PCBP3: variants seen among roughly 807,000 people sequenced by gnomAD.
The protein encoded by PCBP3 is poly(rC)-binding protein 3.
In PCBP3, 25 loss-of-function variants were observed where a neutral mutation model predicts 52.7. The ratio of observed to expected loss-of-function variants is 0.47; its 90% CI spans 0.35 to 0.66. The LOEUF is 0.66. PCBP3 is among the 30% of genes least tolerant of loss of function. The pLI, the probability that PCBP3 is intolerant of heterozygous loss-of-function variation, is 0.01. For missense variants in PCBP3, 391 were observed against 490.3 expected, an observed-to-expected ratio of 0.80 and a Z score of 1.91; for synonymous variants, 162 against 183.0, an observed-to-expected ratio of 0.89 and a Z score of 0.93.
chr21:45,682,677 G>C (rs894375938), intron 2 of PCBP3, among the ~76,000 whole-genome samples: 7 of 152,152 alleles, frequency 4.6e-5, no homozygotes, highest in African/African-American at 1.7e-4. Context: ...CAGGGTTTTA[G>C]ACTGACAAGC....
At chr21:45,875,461 C>T (rs984416179) in intron 5 of PCBP3, among the ~76,000 whole-genome samples, 8 of 152,176 alleles carry the variant, frequency 5.3e-5, no homozygotes, top group African/African-American at 4.8e-5. Context: ...AGTCACACAA[C>T]GTCAGAAAAC....
chr21:45,860,870 C>T (rs1569346365), intron 5 of PCBP3, among the ~76,000 whole-genome samples: 1 of 152,186 alleles, frequency 6.6e-6, no homozygotes, highest in Admixed American at 6.5e-5. Context: ...TTGGCAGCGA[C>T]CCCCGTGGAG....
At chr21:45,845,187 C>T (rs964209740) in intron 4 of PCBP3, among the ~76,000 whole-genome samples, 13 of 152,330 alleles carry the variant, frequency 8.5e-5, no homozygotes, top group African/African-American at 3.1e-4. Context: ...GCACCTGCCA[C>T]CAGATGATCT....
In PCBP3 at chr21:45,785,515, G is replaced by C. The variant is rs1490607401; in HGVS notation, c.-126+30063G>C. 2.7e-5 allele frequency among the ~76,000 whole-genome samples: 4 copies of C among 149,366 alleles called. 1 individual carries two copies. The highest frequency in any genetic ancestry group is 9.8e-5 in the African/African-American group (4 of 40,624). On this transcript the variant is annotated intron_variant, in intron 4 of 17. Coordinates refer to ENST00000681687, the MANE Select transcript of PCBP3 (RefSeq NM_001384156.1). ...AGCCGCCCCGTCCGGGAGGGGGGGG[G>C]GTCAGCCCCCCGCCCGGCCAGCCGC...
chr21:45,803,168 C>G (rs1217159018), intron 4 of PCBP3, among the ~76,000 whole-genome samples: 1 of 152,216 alleles, frequency 6.6e-6, no homozygotes. Context: ...TCCTCACTTT[C>G]TCAGCAGAGG....
chr21:45,774,428 CTTTAGTTTT>C (rs892769464), intron 4 of PCBP3, among the ~76,000 whole-genome samples: 2 of 151,184 alleles, frequency 1.3e-5, no homozygotes, highest in African/African-American at 2.4e-5. Context: ...TTGGTGGAGA[CTTTAGTTTT>C]TTCTGGATAA....
intron 5 of PCBP3, among the ~76,000 whole-genome samples, chr21:45,882,010 C>T (rs2095416373): frequency 6.6e-6 from 1 of 152,188 alleles, no homozygotes. Flanking sequence ...CACGGGCCTG[C>T]ATGTGTCTCC....
Position 45,715,964 on chromosome 21 carries a change from G to C in PCBP3, c.-199-19428G>C, listed in dbSNP as rs545675495. ...TGATCATGTCCTTGCAAGCATAAAA[G>C]TTTTTAATTTTAAGCCCAATTTATT... On this transcript the variant is annotated intron_variant, in intron 2 of 17. Coordinates refer to ENST00000681687, the MANE Select transcript of PCBP3 (RefSeq NM_001384156.1). Among the ~76,000 whole-genome samples the C allele has an allele frequency of 1.2e-3, 180 of 152,072 alleles. 1 individual carries two copies. The highest frequency in any genetic ancestry group is 1.4e-3 in the Non-Finnish European group (96 of 67,998).
intron 2 of PCBP3, among the ~76,000 whole-genome samples, chr21:45,734,729 C>A (rs952332736): frequency 1.3e-5 from 2 of 152,188 alleles, no homozygotes; most frequent in African/African-American, 4.8e-5. Flanking sequence ...TCCTGTGCTG[C>A]CTGCTGCTCC....
chr21:45,743,754 C>T (rs1409307326), intron 3 of PCBP3, among the ~76,000 whole-genome samples: 2 of 152,018 alleles, frequency 1.3e-5, no homozygotes, highest in East Asian at 3.9e-4. Flanking sequence ...GGTGATAGTG[C>T]TCTATAAGGT....
rs1479395721 is a variant in PCBP3 at position 45,693,264 on chromosome 21, T to C, written c.-200+24312T>C. ...TACTCTTGCCACTTCTCTTCAACAT[T>C]GTTCTGATACCCACAATAACGTGGG... On this transcript the variant is annotated intron_variant, in intron 2 of 17. Transcript: ENST00000681687. Among the ~76,000 whole-genome samples the C allele has an allele frequency of 4.6e-5, 7 of 152,298 alleles. No individual in the cohort carries two copies. The South Asian group carries it at 6.2e-4, about 14-fold the overall frequency.
chr21:45,892,195 G>A (rs913535885), intron 5 of PCBP3, among the ~76,000 whole-genome samples: 3 of 152,186 alleles, frequency 2.0e-5, no homozygotes, highest in Non-Finnish European at 2.9e-5. Context: ...TTTGATGGAC[G>A]ACGGGCAGTG....
intron 4 of PCBP3, among the ~76,000 whole-genome samples, chr21:45,776,735 T>G (rs2090292087): frequency 6.6e-6 from 1 of 152,206 alleles, no homozygotes; most frequent in African/African-American, 2.4e-5. Context: ...ATCCCTTTAA[T>G]TTCGGTTCAT....
At chr21:45,676,929 G>A (rs551067494) in intron 2 of PCBP3, among the ~76,000 whole-genome samples, 7 of 152,078 alleles carry the variant, frequency 4.6e-5, no homozygotes, top group Admixed American at 1.3e-4. Flanking sequence ...ATGCCACCAT[G>A]CCTAGCTAAT....
chr21:45,687,651 AT>A (rs1243255113), intron 2 of PCBP3, among the ~76,000 whole-genome samples: 2 of 152,244 alleles, frequency 1.3e-5, no homozygotes, highest in Non-Finnish European at 2.9e-5. Context: ...CACATTAAAT[AT>A]AAAGATACAA....
intron 3 of PCBP3, among the ~76,000 whole-genome samples, chr21:45,747,315 A>C (rs923100840): frequency 2.0e-5 from 3 of 152,170 alleles, no homozygotes; most frequent in Non-Finnish European, 2.9e-5. Flanking sequence ...ACACGTGGGG[A>C]TTATGGGAGC....
intron 2 of PCBP3, among the ~76,000 whole-genome samples, chr21:45,681,542 G>A (rs1402613576): frequency 6.6e-6 from 1 of 152,146 alleles, no homozygotes; most frequent in Non-Finnish European, 1.5e-5. Flanking sequence ...AATCACTCTT[G>A]CTAAAAGTCT....
chr21:45,756,210 C>G lies in PCBP3; in HGVS notation c.-126+758C>G, dbSNP rs2088026164. Among the ~76,000 whole-genome samples, 4 of 152,170 alleles carry G rather than the reference C, an allele frequency of 2.6e-5. No homozygotes were observed. In the South Asian group the frequency reaches 8.3e-4, roughly 32 times the overall value. On this transcript the variant is annotated intron_variant, in intron 4 of 17. Transcript: ENST00000681687. ...GTTCAGAGATCTGTTATCTTCTTCA[C>G]TGGTCATCTTTGCTCTTTCACCAGA...
At chr21:45,819,335 T>A (rs1297658080) in intron 4 of PCBP3, among the ~76,000 whole-genome samples, 1 of 152,200 alleles carries the variant, frequency 6.6e-6, no homozygotes, top group Non-Finnish European at 1.5e-5. Context: ...CTGAAGACTG[T>A]CCTGTGACAG....
Sources: allele counts gnomAD v4.1 joint callset (sites outside exome capture counted in the v4.1 genomes callset), GRCh38; gene constraint gnomAD v4.1.1; transcripts MANE v1.5; gene names NCBI Gene and HGNC (gene_info 2026-07-23, HGNC 2026-07-21).